The following TMEM235 variants were observed in gnomAD, a reference collection of about 807,000 sequenced individuals.
TMEM235 encodes the protein claudin-27.
TMEM235 carries 23 observed loss-of-function variants against 22.9 expected under a neutral mutation model. That is an observed-to-expected ratio of 1.00 (90% CI 0.72 to 1.42). The LOEUF (loss-of-function observed/expected upper bound fraction) is 1.42. Ranked by LOEUF, TMEM235 falls within the 40% of genes most tolerant of loss-of-function variation. TMEM235 has a pLI of 0.00. For missense variants in TMEM235, 308 were observed against 299.5 expected (o/e 1.03, Z -0.21); for synonymous variants, 137 against 140.5 (o/e 0.98, Z 0.17).
chr17:78,239,212 TG>T lies in TMEM235; in HGVS notation c.600del (p.Trp200Ter), dbSNP rs1229419565. The stretch of plus-strand genomic sequence containing the variant: ...CGGAACCCTCCTGCTCTCAGCTGCC[TG>T]GACCCTCAGCCTGAGCCCCCCAATC... On this transcript the variant is annotated frameshift_variant, in exon 5 of 6. Coordinates refer to ENST00000421688, the Ensembl canonical transcript of TMEM235. LOFTEE classifies it high-confidence loss of function. 4.5e-6 allele frequency: 7 copies of T among 1,543,236 alleles called. No homozygotes were observed. Among genetic ancestry groups the T allele is most frequent in the Non-Finnish European group, 5.2e-6 (6 of 1,146,948 alleles).
In TMEM235 at chr17:78,232,112, ACTGGTACATC is replaced by A. The variant is rs1336125804; in HGVS notation, c.94_103del (p.Tyr32ArgfsTer68). 1 of 1,478,114 alleles carries A rather than the reference ACTGGTACATC, an allele frequency of 6.8e-7. No homozygotes were observed. The highest frequency in any genetic ancestry group is 1.5e-5 in the African/African-American group (1 of 68,404). 91.6% of individuals were successfully genotyped at this position (1,478,114 alleles called of 1,614,324 possible). ...CTGGCCGCCGCGGTCGCCAGCGACT[ACTGGTACATC>A]CTGGAGGTGGCGGACGCCGGCAATG... On this transcript the variant is annotated frameshift_variant, in exon 2 of 6. Transcript: ENST00000421688. LOFTEE classifies it high-confidence loss of function.
chr17:78,233,752 T>A, intron 2 of TMEM235, 143 bp from the exon 2 acceptor site: 1 of 635,750 alleles, frequency 1.6e-6, no homozygotes, highest in Non-Finnish European at 2.7e-6. Flanking sequence ...GGCCTTTTCA[T>A]CCCACTTGGA....
intron 4 of TMEM235, among the ~76,000 whole-genome samples, chr17:78,236,325 G>A (rs2076643256): frequency 6.6e-6 from 1 of 152,226 alleles, no homozygotes; most frequent in African/African-American, 2.4e-5. Flanking sequence ...TGGCACAGAT[G>A]AGGCAGGGCC....
At chr17:78,233,938 G>A (rs1461722644) in exon 3 of TMEM235, 2 of 1,535,118 alleles carry the variant, frequency 1.3e-6, no homozygotes, top group African/African-American at 2.7e-5. Flanking sequence ...TTGCCAGTGA[G>A]AGCCTGGACG....
In TMEM235 at chr17:78,232,321, C is replaced by T. The variant is rs1325399950; in HGVS notation, c.190+108C>T. The T allele has an allele frequency of 4.6e-5, 50 of 1,086,474 alleles. No homozygotes were observed. In the South Asian group the frequency reaches 8.6e-4, roughly 19 times the overall value. The allele number at this position is 1,086,474 out of a possible 1,614,324, so 67.3% of individuals were successfully genotyped here. On this transcript the variant is annotated intron_variant, in intron 2 of 5. Coordinates refer to ENST00000421688, the Ensembl canonical transcript of TMEM235. ...CCCGCCAGACCCCCTTCCAGGACCCCTCTCTTGCATCCCGCTCTGCCCCAG... is the reference window on the plus strand; with the variant it reads ...CCCGCCAGACCCCCTTCCAGGACCCTTCTCTTGCATCCCGCTCTGCCCCAG...
intron 2 of TMEM235, among the ~76,000 whole-genome samples, chr17:78,232,469 G>A (rs1422623120): frequency 4.6e-5 from 7 of 152,186 alleles, no homozygotes; most frequent in African/African-American, 1.7e-4. Context: ...GCTGTGGGGC[G>A]ACAGTGGGGG....
chr17:78,235,429 A>C (rs1279898467), intron 4 of TMEM235, among the ~76,000 whole-genome samples: 3 of 151,962 alleles, frequency 2.0e-5, no homozygotes, highest in Non-Finnish European at 4.4e-5. Context: ...CTGGGATTAC[A>C]GGCATGCGCC....
Position 78,237,058 on chromosome 17 carries a change from G to A in TMEM235, c.410-1966G>A, listed in dbSNP as rs1297885377. Among the ~76,000 whole-genome samples the A allele has an allele frequency of 1.3e-5, 2 of 152,034 alleles. No individual in the cohort carries two copies. Among genetic ancestry groups the A allele is most frequent in the African/African-American group, 4.8e-5 (2 of 41,284 alleles). On this transcript the variant is annotated intron_variant, in intron 4 of 5. Coordinates refer to ENST00000421688, the Ensembl canonical transcript of TMEM235. This position sits in a 1 kb window ranked among gnomAD's most constrained non-coding sequence, Gnocchi z 4.7. ...ACACGGACCCTCTGCATTGTGCCTGGGAGCGAAGGCACCGGCTAGGGGGTG... is the reference window on the plus strand; with the variant it reads ...ACACGGACCCTCTGCATTGTGCCTGAGAGCGAAGGCACCGGCTAGGGGGTG...
At chr17:78,239,230 C>T in exon 5 of TMEM235, 1 of 1,542,946 alleles carries the variant, frequency 6.5e-7, no homozygotes, top group Middle Eastern at 1.7e-4. Context: ...CAGCCTGAGC[C>T]CCCCAATCTG....
chr17:78,238,097 G>A lies in TMEM235; in HGVS notation c.410-927G>A, dbSNP rs953520813. Among the ~76,000 whole-genome samples, 4 of 152,194 alleles carry A rather than the reference G, an allele frequency of 2.6e-5. No homozygotes were observed. The highest frequency in any genetic ancestry group is 1.9e-4 in the East Asian group (1 of 5,190). On this transcript the variant is annotated intron_variant, in intron 4 of 5. Transcript: ENST00000421688. The surrounding 1 kb of genome is among the most constrained non-coding windows in gnomAD (Gnocchi z 4.3). ...CTGGCTAACATTCCCTACAGTCGGC[G>A]CCAAGGACAGGCTTTCTCATCAGCC...
exon 6 of TMEM235, chr17:78,239,974 A>G: frequency 6.5e-7 from 1 of 1,548,272 alleles, no homozygotes; most frequent in Non-Finnish European, 8.7e-7. Context: ...CAAGGAGCTG[A>G]GCGATCCAGA....
chr17:78,236,308 C>T (rs1030008030), intron 4 of TMEM235, among the ~76,000 whole-genome samples: 23 of 152,178 alleles, frequency 1.5e-4, no homozygotes, highest in African/African-American at 4.1e-4. Flanking sequence ...GCAAGGGTTC[C>T]GGGGTTTGGC....
In TMEM235 at chr17:78,234,399, C is replaced by T. The variant is rs1011562565; in HGVS notation, c.272-194C>T. On this transcript the variant is annotated intron_variant, in intron 3 of 5. Coordinates refer to ENST00000421688, the Ensembl canonical transcript of TMEM235. The stretch of plus-strand genomic sequence containing the variant: ...ATGGGGGCTGGGAGTGTTCTGGGGA[C>T]GCCTCCCCTCCTGGCCTTAGGAAGC... 3.7e-5 allele frequency: 31 copies of T among 828,452 alleles called. 1 individual carries two copies. The highest frequency in any genetic ancestry group is 1.0e-4 in the South Asian group (7 of 69,258). 51.3% of individuals were successfully genotyped at this position (828,452 alleles called of 1,614,324 possible).
At chr17:78,231,306 G>T (rs2076576108), upstream of TMEM235, 7 of 969,898 alleles carry the variant, frequency 7.2e-6, no homozygotes, top group Non-Finnish European at 9.5e-6. Context: ...GGCACCCCAC[G>T]CCTGTCCTAG....
chr17:78,234,747 G>T lies in TMEM235; in HGVS notation c.409+17G>T, dbSNP rs1355714496. On this transcript the variant is annotated intron_variant, in intron 4 of 5. Coordinates refer to ENST00000421688, the Ensembl canonical transcript of TMEM235. ...TGCTGGGGAGTGAGTCTGGGGCCCT[G>T]GGGGAATGGCTCCAAAGATGGGAGC... 2.6e-6 allele frequency: 4 copies of T among 1,535,870 alleles called. No homozygotes were observed. Among genetic ancestry groups the T allele is most frequent in the Non-Finnish European group, 3.5e-6 (4 of 1,146,824 alleles).
Position 78,238,423 on chromosome 17 carries a change from G to C in TMEM235, c.410-601G>C, listed in dbSNP as rs1415194522. ...GGGGGGCTCTGGAAGGGGAGTCAGA[G>C]GGAGGGGGATGTTAGCCCCGGAGGT... On this transcript the variant is annotated intron_variant, in intron 4 of 5. Coordinates refer to ENST00000421688, the Ensembl canonical transcript of TMEM235. The surrounding 1 kb of genome is among the most constrained non-coding windows in gnomAD (Gnocchi z 4.3). Among the ~76,000 whole-genome samples, 5 of 152,076 alleles carry C rather than the reference G, an allele frequency of 3.3e-5. No individual in the cohort carries two copies. The highest frequency in any genetic ancestry group is 7.4e-5 in the Non-Finnish European group (5 of 68,000).
chr17:78,238,562 G>C lies in TMEM235; in HGVS notation c.410-462G>C, dbSNP rs1173425525. On this transcript the variant is annotated intron_variant, in intron 4 of 5. Transcript: ENST00000421688. This position sits in a 1 kb window ranked among gnomAD's most constrained non-coding sequence, Gnocchi z 4.3. ...AGAGGCCATGGCTCTGTGTGTGTGT[G>C]TGTGTGTGTGTGTGTGTGTGTGTGA... Among the ~76,000 whole-genome samples the C allele has an allele frequency of 1.5e-5, 2 of 135,576 alleles. No individual in the cohort carries two copies. Among genetic ancestry groups the C allele is most frequent in the Admixed American group, 1.5e-4 (2 of 13,446 alleles). 88.9% of individuals were successfully genotyped at this position (135,576 alleles called of 152,430 possible). A position where few individuals can be genotyped will look rare whatever the true frequency, so the allele number is the denominator to read the frequency against.
rs1555612390 is a variant in TMEM235 at position 78,238,585 on chromosome 17, T to TGA, written c.410-438_410-437dup. Among the ~76,000 whole-genome samples, 209 of 143,010 alleles carry TGA rather than the reference T, an allele frequency of 1.5e-3. 1 individual carries two copies. Among genetic ancestry groups the TGA allele is most frequent in the Middle Eastern group, 7.3e-3 (2 of 274 alleles). 93.8% of individuals were successfully genotyped at this position (143,010 alleles called of 152,430 possible). On this transcript the variant is annotated intron_variant, in intron 4 of 5. Transcript: ENST00000421688. The surrounding 1 kb of genome is among the most constrained non-coding windows in gnomAD (Gnocchi z 4.3). ...GTGTGTGTGTGTGTGTGTGTGTGTG[T>TGA]GAATGTGTGCAAATGTGTTCGTGTA... is the stretch of plus-strand genomic sequence containing the variant.
rs1451470897 is a variant in TMEM235 at position 78,233,896 on chromosome 17, G to GA, written c.192_193insA (p.Gln65ThrfsTer14). 9.1e-6 allele frequency: 14 copies of GA among 1,535,858 alleles called. 1 individual carries two copies. The highest frequency in any genetic ancestry group is 1.1e-5 in the Non-Finnish European group (13 of 1,146,868). On this transcript the variant is annotated frameshift_variant and splice_region_variant, in exon 3 of 6. Coordinates refer to ENST00000421688, the Ensembl canonical transcript of TMEM235. LOFTEE classifies it high-confidence loss of function. ...GGCTTCGAGGCCTATGTTTCCCAGG[G>GA]CAGAACGGCTGCATCCCGCTGGTCG...
Sources: allele counts gnomAD v4.1 joint callset (sites outside exome capture counted in the v4.1 genomes callset), GRCh38; gene constraint gnomAD v4.1.1; non-coding constraint Gnocchi (gnomAD v3.1); transcripts MANE v1.5; gene names NCBI Gene and HGNC (gene_info 2026-07-23, HGNC 2026-07-21).